Variants in KAZN observed in about 807,000 individuals in gnomAD.
KAZN encodes the protein kazrin.
KAZN carries 40 observed loss-of-function variants against 87.4 expected under a neutral mutation model. The ratio of observed to expected loss-of-function variants is 0.46; its 90% CI spans 0.36 to 0.60. The LOEUF (loss-of-function observed/expected upper bound fraction) is 0.60, where lower values mean the gene tolerates loss of function less well. Among genes scored for constraint, KAZN ranks in the 20% least tolerant of loss-of-function variants. The probability of loss-of-function intolerance (pLI) is 0.00; values close to 1 mark genes in which losing one functional copy is unlikely to be tolerated. For missense variants in KAZN, 898 were observed against 1,073.9 expected (o/e 0.84, Z 2.29); for synonymous variants, 466 against 458.3 (o/e 1.02, Z -0.22).
chr1:14,127,719 G>A (rs1306278534), intron 1 of KAZN, among the ~76,000 whole-genome samples: 4 of 152,206 alleles, frequency 2.6e-5, no homozygotes, highest in Admixed American at 2.6e-4. Context: ...GCTGTTCCTT[G>A]TGTCTGTATC....
intron 13 of KAZN, among the ~76,000 whole-genome samples, chr1:15,110,374 A>T (rs1641514999): frequency 9.8e-6 from 1 of 102,404 alleles, no homozygotes; most frequent in African/African-American, 3.8e-5. Flanking sequence ...GTGTATATGT[A>T]GTGTGTATTT....
chr1:14,382,160 TGAA>T (rs770432862), intron 2 of KAZN, among the ~76,000 whole-genome samples: 7 of 152,074 alleles, frequency 4.6e-5, no homozygotes, highest in Non-Finnish European at 8.8e-5. Flanking sequence ...TGCAAGAAAT[TGAA>T]GAAGACACCA....
At chr1:14,811,677 T>A (rs376792367) in intron 1 of KAZN, among the ~76,000 whole-genome samples, 3 of 152,226 alleles carry the variant, frequency 2.0e-5, no homozygotes, top group African/African-American at 7.2e-5. Context: ...GTTGTTCTCA[T>A]TTTTTGTCTC....
At chr1:14,957,396 G>A (rs756481097) in intron 1 of KAZN, among the ~76,000 whole-genome samples, 74 of 152,206 alleles carry the variant, frequency 4.9e-4, no homozygotes, top group African/African-American at 1.0e-3. Flanking sequence ...GGAGCCATTC[G>A]ACAGACGTTA....
intron 2 of KAZN, among the ~76,000 whole-genome samples, chr1:14,444,756 C>G (rs1454860368): frequency 6.6e-6 from 1 of 152,094 alleles, no homozygotes; most frequent in Non-Finnish European, 1.5e-5. Context: ...TAAATTTGTT[C>G]TACACCAAAG....
At chr1:14,990,859 C>T (rs954697198) in intron 2 of KAZN, among the ~76,000 whole-genome samples, 3 of 150,486 alleles carry the variant, frequency 2.0e-5, no homozygotes, top group African/African-American at 7.3e-5. Context: ...AAGATGAAGT[C>T]GTACTGGAAT....
chr1:14,595,706 A>G (rs1002028586), upstream of KAZN, among the ~76,000 whole-genome samples: 6 of 151,298 alleles, frequency 4.0e-5, no homozygotes, highest in African/African-American at 7.3e-5. Flanking sequence ...AAAGAAAAAG[A>G]AAAAGAAAGA....
chr1:14,987,570 G>C (rs1275582614), intron 2 of KAZN, among the ~76,000 whole-genome samples: 1 of 152,196 alleles, frequency 6.6e-6, no homozygotes, highest in Non-Finnish European at 1.5e-5. Flanking sequence ...CCGGAGCTCA[G>C]GGGAGGAACC....
chr1:14,114,163 G>A (rs574349269), intron 1 of KAZN, among the ~76,000 whole-genome samples: 2 of 152,318 alleles, frequency 1.3e-5, no homozygotes, highest in East Asian at 1.9e-4. Context: ...AAGCATCCCT[G>A]GACCGATTCA....
chr1:14,422,952 A>C (rs1287996907), intron 2 of KAZN, among the ~76,000 whole-genome samples: 2 of 152,262 alleles, frequency 1.3e-5, no homozygotes, highest in African/African-American at 4.8e-5. Context: ...TCTTTGCCTA[A>C]GGGCTGACTT....
chr1:14,507,697 G>T (rs2148439393), intron 2 of KAZN, among the ~76,000 whole-genome samples: 1 of 152,256 alleles, frequency 6.6e-6, no homozygotes, highest in Admixed American at 6.5e-5. Flanking sequence ...AAGCCTTGGG[G>T]CAATGAATCA....
intron 1 of KAZN, among the ~76,000 whole-genome samples, chr1:14,145,000 A>C (rs181022506): frequency 6.6e-6 from 1 of 152,316 alleles, no homozygotes; most frequent in East Asian, 1.9e-4. Context: ...ACAAATATCC[A>C]AACCATAGAC....
intron 2 of KAZN, among the ~76,000 whole-genome samples, chr1:14,972,765 G>A (rs1174654113): frequency 6.6e-6 from 1 of 152,022 alleles, no homozygotes; most frequent in Non-Finnish European, 1.5e-5. Flanking sequence ...TTCGCCCACT[G>A]TGGCCTCCCA....
intron 1 of KAZN, among the ~76,000 whole-genome samples, chr1:14,778,350 C>A (rs1483260042): frequency 2.6e-5 from 4 of 151,078 alleles, no homozygotes; most frequent in Admixed American, 2.6e-4. Flanking sequence ...GAAGGGGAGC[C>A]TGGCCACTCT....
intron 2 of KAZN, among the ~76,000 whole-genome samples, chr1:14,315,440 A>G (rs1026904711): frequency 2.6e-5 from 4 of 152,160 alleles, no homozygotes; most frequent in Non-Finnish European, 5.9e-5. Context: ...CTTTAATTAT[A>G]CAATTTGATG....
intron 1 of KAZN, among the ~76,000 whole-genome samples, chr1:14,088,854 CATGAATGGGCCTTTTTATCATT>C (rs1437130199): frequency 2.0e-5 from 3 of 151,472 alleles, no homozygotes; most frequent in Non-Finnish European, 3.0e-5. Context: ...TTGCTCTCTT[CATGAATGGGCCTTTTTATCATT>C]ATGAAATGTC....
At chr1:14,214,583 C>T (rs1234366634) in intron 2 of KAZN, among the ~76,000 whole-genome samples, 1 of 151,958 alleles carries the variant, frequency 6.6e-6, no homozygotes, top group Non-Finnish European at 1.5e-5. Flanking sequence ...CCTAGAAGGA[C>T]ATGAAAATAG....
At chr1:14,215,737 T>C (rs1054245823) in intron 2 of KAZN, among the ~76,000 whole-genome samples, 1 of 152,072 alleles carries the variant, frequency 6.6e-6, no homozygotes, top group African/African-American at 2.4e-5. Context: ...CAAATAATAA[T>C]TGGTGAGGGT....
intron 2 of KAZN, among the ~76,000 whole-genome samples, chr1:14,194,545 A>T (rs1253958869): frequency 6.6e-6 from 1 of 152,102 alleles, no homozygotes; most frequent in Non-Finnish European, 1.5e-5. Flanking sequence ...CCCCAGACCC[A>T]TCCTCTCCCA....
Sources: allele counts gnomAD v4.1 joint callset (sites outside exome capture counted in the v4.1 genomes callset), GRCh38; gene constraint gnomAD v4.1.1; transcripts MANE v1.5; gene names NCBI Gene and HGNC (gene_info 2026-07-23, HGNC 2026-07-21).